The following SCAMP1 variants were observed in gnomAD, a reference collection of about 807,000 sequenced individuals.
SCAMP1 encodes secretory carrier-associated membrane protein 1.
In SCAMP1, 15 loss-of-function variants were observed where a neutral mutation model predicts 41.8. The ratio of observed to expected loss-of-function variants is 0.36; its 90% CI spans 0.24 to 0.55. SCAMP1 has a LOEUF of 0.55. Ranked by LOEUF, SCAMP1 falls within the 20% of genes least tolerant of loss-of-function variation. SCAMP1 has a pLI of 0.86. For synonymous variants in SCAMP1, 135 were observed against 136.8 expected, an observed-to-expected ratio of 0.99 and a Z score of 0.09; for missense variants, 341 against 412.6, an observed-to-expected ratio of 0.83 and a Z score of 1.50.
intron 2 of SCAMP1, among the ~76,000 whole-genome samples, chr5:78,398,121 A>T (rs1337247349): frequency 6.6e-6 from 1 of 152,198 alleles, no homozygotes; most frequent in Non-Finnish European, 1.5e-5. Flanking sequence ...AGAAGTGAAA[A>T]CATATGTCCA....
intron 8 of SCAMP1, among the ~76,000 whole-genome samples, chr5:78,472,600 A>G (rs955694514): frequency 6.6e-6 from 1 of 152,040 alleles, no homozygotes; most frequent in South Asian, 2.1e-4. Context: ...TTTCACATGG[A>G]TATAATGGAT....
chr5:78,365,970 G>C (rs1218923494), intron 1 of SCAMP1, among the ~76,000 whole-genome samples: 1 of 152,028 alleles, frequency 6.6e-6, no homozygotes, highest in Non-Finnish European at 1.5e-5. Flanking sequence ...ACCTCACAGT[G>C]GGTAATTTAT....
chr5:78,445,615 A>G (rs796664290), intron 6 of SCAMP1, among the ~76,000 whole-genome samples: 9 of 152,106 alleles, frequency 5.9e-5, no homozygotes, highest in African/African-American at 2.2e-4. Context: ...TGCCAATAGA[A>G]GTTCTTCTTC....
At chr5:78,365,944 T>C (rs1282125986) in intron 1 of SCAMP1, among the ~76,000 whole-genome samples, 5 of 152,184 alleles carry the variant, frequency 3.3e-5, no homozygotes, top group Non-Finnish European at 5.9e-5. Context: ...TTTGGGCTGC[T>C]GTAACAAAGT....
chr5:78,394,128 A>T (rs1301416857), intron 2 of SCAMP1, among the ~76,000 whole-genome samples: 1 of 152,192 alleles, frequency 6.6e-6, no homozygotes, highest in Non-Finnish European at 1.5e-5. Flanking sequence ...AATTCCAGGT[A>T]CTGACAGTGT....
At chr5:78,458,829 G>A (rs1337181151) in intron 7 of SCAMP1, among the ~76,000 whole-genome samples, 2 of 152,128 alleles carry the variant, frequency 1.3e-5, no homozygotes, top group East Asian at 1.9e-4. Flanking sequence ...ACAATGAGCC[G>A]AGATCATGCC....
intron 7 of SCAMP1, among the ~76,000 whole-genome samples, chr5:78,454,736 T>G (rs531433636): frequency 4.1e-4 from 62 of 152,328 alleles, no homozygotes; most frequent in Middle Eastern, 3.4e-3. Context: ...TTCTATTGAT[T>G]GGAATAGTTT....
chr5:78,416,467 A>G, intron 3 of SCAMP1, 74 bp from the exon 4 acceptor site: 1 of 1,072,350 alleles, frequency 9.3e-7, no homozygotes, highest in Non-Finnish European at 1.3e-6. Flanking sequence ...GTAGAGAAGT[A>G]GGAGTTAGCA....
chr5:78,385,423 A>G (rs780328610), intron 1 of SCAMP1, among the ~76,000 whole-genome samples: 9 of 150,544 alleles, frequency 6.0e-5, no homozygotes, highest in Admixed American at 1.3e-4. Context: ...TATCTTTTGT[A>G]TTTGTTTGTT....
intron 2 of SCAMP1, among the ~76,000 whole-genome samples, chr5:78,414,217 T>G (rs1461441795): frequency 6.6e-6 from 1 of 151,874 alleles, no homozygotes; most frequent in Admixed American, 6.6e-5. Flanking sequence ...CTGTGTCTGT[T>G]GAAAAAAAGG....
At chr5:78,473,013 TTGAGA>T in intron 8 of SCAMP1, among the ~76,000 whole-genome samples, 1 of 152,236 alleles carries the variant, frequency 6.6e-6, no homozygotes, top group East Asian at 1.9e-4. Flanking sequence ...TGTACTCACT[TTGAGA>T]TAAGTGTCTG....
chr5:78,446,028 A>G (rs1273908776), intron 6 of SCAMP1, among the ~76,000 whole-genome samples: 1 of 152,250 alleles, frequency 6.6e-6, no homozygotes. Flanking sequence ...GTAAAATGAA[A>G]TAAATACAAT....
chr5:78,421,805 T>A lies in SCAMP1; in HGVS notation c.477T>A (p.His159Gln). ...TTTTGTTTTCTGATTCCACAGTCCA[T>A]GCAGTAACACTGTTTCTAAATATCT... ...VKLMYYLWMF[H>Q]AVTLFLNIFG... Residue 159 changes from histidine (H) to glutamine (Q), a missense_variant, in exon 6 of 9, where the codon CAT becomes CAA. Coordinates refer to ENST00000621999, the MANE Select transcript of SCAMP1 (RefSeq NM_004866.6). The A allele has an allele frequency of 1.2e-6, 2 of 1,613,356 alleles. No individual in the cohort carries two copies. The highest frequency in any genetic ancestry group is 1.7e-6 in the Non-Finnish European group (2 of 1,179,512).
intron 8 of SCAMP1, among the ~76,000 whole-genome samples, chr5:78,470,156 A>G (rs1753852552): frequency 6.6e-6 from 1 of 152,084 alleles, no homozygotes; most frequent in South Asian, 2.1e-4. Flanking sequence ...GGTGTATTGT[A>G]TTTGTTTTAA....
At chr5:78,425,271 A>G (rs1752441541) in intron 6 of SCAMP1, among the ~76,000 whole-genome samples, 1 of 152,198 alleles carries the variant, frequency 6.6e-6, no homozygotes, top group South Asian at 2.1e-4. Flanking sequence ...TACCTGAAAC[A>G]CAAGTTAAAA....
chr5:78,414,175 T>C (rs1752151084), intron 2 of SCAMP1, among the ~76,000 whole-genome samples: 1 of 152,068 alleles, frequency 6.6e-6, no homozygotes, highest in South Asian at 2.1e-4. Context: ...TGGCCGAGAC[T>C]TCCCAGATAT....
chr5:78,392,773 T>C (rs887496823), intron 2 of SCAMP1, among the ~76,000 whole-genome samples: 5 of 152,254 alleles, frequency 3.3e-5, no homozygotes, highest in African/African-American at 1.2e-4. Context: ...AATATTCCTT[T>C]GTTTATTATA....
chr5:78,474,583 C>T (rs1753962602), intron 8 of SCAMP1, among the ~76,000 whole-genome samples: 2 of 152,082 alleles, frequency 1.3e-5, no homozygotes, highest in Admixed American at 1.3e-4. Flanking sequence ...AGTTCCTATC[C>T]AGGTTTGGAA....
At chr5:78,387,513 CT>C (rs1330266036) in intron 1 of SCAMP1, among the ~76,000 whole-genome samples, 3 of 151,826 alleles carry the variant, frequency 2.0e-5, no homozygotes, top group Non-Finnish European at 4.4e-5. Flanking sequence ...CTAGTGTGAT[CT>C]TTTCGGGGTG....
Sources: gnomAD v4.1 joint callset for allele counts (sites outside exome capture counted in the v4.1 genomes callset) on GRCh38, gnomAD v4.1.1 for gene constraint, MANE v1.5 for transcripts, NCBI Gene and HGNC (gene_info 2026-07-23, HGNC 2026-07-21) for gene names.